The following SAXO1 variants were observed in gnomAD, a reference collection of about 807,000 sequenced individuals.
SAXO1 encodes the protein 4930500O09Rik.
In SAXO1, 21 loss-of-function variants were observed where a neutral mutation model predicts 17.5. That is an observed-to-expected ratio of 1.20 (90% CI 0.85 to 1.72). SAXO1 has a LOEUF of 1.72. Among genes scored for constraint, SAXO1 ranks in the 40% most tolerant of loss-of-function variants. The pLI, the probability that SAXO1 is intolerant of heterozygous loss-of-function variation, is 0.00. For missense variants in SAXO1, 843 were observed against 596.0 expected (o/e 1.41, Z -4.32); for synonymous variants, 274 against 216.5 (o/e 1.27, Z -2.33).
intron 3 of SAXO1, among the ~76,000 whole-genome samples, chr9:18,938,751 G>A (rs1029391712): frequency 2.0e-5 from 3 of 152,030 alleles, no homozygotes; most frequent in Non-Finnish European, 2.9e-5. Context: ...GGGAGAGACA[G>A]GGGAAAATGG....
chr9:18,933,791 A>G (rs1162172929), intron 3 of SAXO1, among the ~76,000 whole-genome samples: 2 of 152,218 alleles, frequency 1.3e-5, no homozygotes, highest in African/African-American at 4.8e-5. Flanking sequence ...TCACGCCTGT[A>G]ATCCCAGCAC....
At chr9:19,019,472 T>C (rs909334719) in intron 1 of SAXO1, among the ~76,000 whole-genome samples, 15 of 152,248 alleles carry the variant, frequency 9.9e-5, no homozygotes, top group African/African-American at 3.6e-4. Flanking sequence ...CTCACACCTG[T>C]AATCCAGGCA....
At chr9:19,031,806 T>C (rs768933470) in intron 1 of SAXO1, among the ~76,000 whole-genome samples, 1 of 152,152 alleles carries the variant, frequency 6.6e-6, no homozygotes, top group African/African-American at 2.4e-5. Flanking sequence ...AAACTCCCTG[T>C]GTGATTCTAA....
intron 1 of SAXO1, among the ~76,000 whole-genome samples, chr9:18,970,311 T>A (rs1345354103): frequency 6.6e-6 from 1 of 152,232 alleles, no homozygotes; most frequent in African/African-American, 2.4e-5. Flanking sequence ...ATCTGCTTCA[T>A]AATTTCTCCC....
chr9:18,951,280 G>A (rs1485524778), intron 1 of SAXO1, among the ~76,000 whole-genome samples: 1 of 152,106 alleles, frequency 6.6e-6, no homozygotes, highest in East Asian at 1.9e-4. Context: ...AGCTGCCCCA[G>A]GTCCTCCCCT....
At chr9:18,965,548 A>T (rs1211489943) in intron 1 of SAXO1, among the ~76,000 whole-genome samples, 1 of 151,970 alleles carries the variant, frequency 6.6e-6, no homozygotes, top group Non-Finnish European at 1.5e-5. Context: ...AGTCTGTTTT[A>T]TCAAAGACTA....
chr9:18,992,717 G>C (rs1261746635), intron 1 of SAXO1, among the ~76,000 whole-genome samples: 3 of 152,116 alleles, frequency 2.0e-5, no homozygotes, highest in Non-Finnish European at 4.4e-5. Flanking sequence ...GAAGAAGAAA[G>C]AATGAGGGAG....
intron 2 of SAXO1, 116 bp downstream of exon 2, chr9:18,950,642 G>T: frequency 1.2e-6 from 1 of 836,478 alleles, no homozygotes; most frequent in Non-Finnish European, 1.8e-6. Context: ...ATCATATGTT[G>T]ATACTGCACA....
intron 1 of SAXO1, among the ~76,000 whole-genome samples, chr9:19,015,897 G>T (rs1339087286): frequency 6.6e-6 from 1 of 152,120 alleles, no homozygotes; most frequent in African/African-American, 2.4e-5. Flanking sequence ...CACCAAAGTT[G>T]TTAAAACTTG....
chr9:19,014,405 T>G (rs62560437), intron 1 of SAXO1, among the ~76,000 whole-genome samples: 5,798 of 137,978 alleles, frequency 0.042, 143 homozygotes, highest in Non-Finnish European at 0.056. Flanking sequence ...AGGTTGCAGT[T>G]AGCTGAGATC....
At chr9:18,982,767 G>A (rs915925829) in intron 1 of SAXO1, among the ~76,000 whole-genome samples, 3 of 152,184 alleles carry the variant, frequency 2.0e-5, no homozygotes, top group African/African-American at 7.2e-5. Context: ...GACTTGCTGA[G>A]TAACATATCT....
At chr9:19,027,743 C>G in intron 1 of SAXO1, 1 of 1,468,386 alleles carries the variant, frequency 6.8e-7, no homozygotes, top group Non-Finnish European at 9.4e-7. Flanking sequence ...GTCCGGGGAC[C>G]GAGAGGTGCA....
At chr9:18,944,445 A>T (rs1831707534) in intron 2 of SAXO1, among the ~76,000 whole-genome samples, 1 of 152,224 alleles carries the variant, frequency 6.6e-6, no homozygotes, top group South Asian at 2.1e-4. Flanking sequence ...AGAAAAGTCT[A>T]TATTTTAGTC....
At chr9:19,048,321 G>C (rs952881137) in intron 1 of SAXO1, among the ~76,000 whole-genome samples, 2 of 152,176 alleles carry the variant, frequency 1.3e-5, no homozygotes, top group African/African-American at 4.8e-5. Context: ...GCCGGGCGTG[G>C]TGGCAGGTGC....
At chr9:18,957,100 T>C (rs1832287473) in intron 1 of SAXO1, among the ~76,000 whole-genome samples, 2 of 152,204 alleles carry the variant, frequency 1.3e-5, no homozygotes, top group African/African-American at 4.8e-5. Flanking sequence ...CAATAAATAG[T>C]ATGTCTGCCC....
chr9:18,971,067 C>T (rs1047523666), intron 1 of SAXO1, among the ~76,000 whole-genome samples: 2 of 152,130 alleles, frequency 1.3e-5, no homozygotes, highest in African/African-American at 2.4e-5. Flanking sequence ...AACCCCAGTC[C>T]GACCTGCACC....
At chr9:18,942,714 G>A (rs1831624173) in intron 2 of SAXO1, among the ~76,000 whole-genome samples, 1 of 152,146 alleles carries the variant, frequency 6.6e-6, no homozygotes, top group Non-Finnish European at 1.5e-5. Context: ...AAGCATCCCA[G>A]ATAAAAAGGC....
intron 1 of SAXO1, chr9:19,027,545 T>C (rs1212886419): frequency 1.8e-6 from 2 of 1,133,546 alleles, no homozygotes; most frequent in East Asian, 2.3e-5. Flanking sequence ...CCTCCTGGCC[T>C]GGGCCTGTAG....
Position 18,979,040 on chromosome 9 carries a change from C to T in SAXO1, c.39-28103G>A, listed in dbSNP as rs759472078. On this transcript the variant is annotated intron_variant, in intron 1 of 3. Transcript: ENST00000380534. ...ATCAAATTTTTGCTTTTACTCTTCA[C>T]AAATAAAGGTAAGGAAACTTAGATT... Among the ~76,000 whole-genome samples, 9 of 152,278 alleles carry T rather than the reference C, an allele frequency of 5.9e-5. No homozygotes were observed. The East Asian group carries it at 1.7e-3, about 29-fold the overall frequency.
Sources: allele counts gnomAD v4.1 joint callset (sites outside exome capture counted in the v4.1 genomes callset), GRCh38; gene constraint gnomAD v4.1.1; transcripts MANE v1.5; gene names NCBI Gene and HGNC (gene_info 2026-07-23, HGNC 2026-07-21).